MRPL20: variants seen among roughly 807,000 people sequenced by gnomAD.
MRPL20 encodes mitochondrial ribosomal protein L20, also known as large ribosomal subunit protein bL20m.
A neutral mutation model predicts 20.0 loss-of-function variants in MRPL20; 21 were observed. The ratio of observed to expected loss-of-function variants is 1.05; its 90% CI spans 0.74 to 1.51. The LOEUF (loss-of-function observed/expected upper bound fraction) is 1.51, where lower values mean the gene tolerates loss of function less well. MRPL20 is among the 40% of genes most tolerant of loss of function. The pLI is 0.00. For synonymous variants in MRPL20, 104 were observed against 73.0 expected (o/e 1.43, Z -2.17); for missense variants, 252 against 185.6 (o/e 1.36, Z -2.08).
At position 1,401,986 on chromosome 1, in the gene MRPL20, CCTCATGT is replaced by C. The variant is rs1243852979; in HGVS notation, c.*90_*96del. On this transcript the variant is annotated 3_prime_UTR_variant, in exon 4 of 4. Coordinates refer to ENST00000344843, the MANE Select transcript of MRPL20 (RefSeq NM_017971.4). ...TCTGTCCCAGAGAGACAGGGCCATC[CCTCATGT>C]CTGTTATTGGGTTGTAGATAAACAA... The C allele has an allele frequency of 1.8e-5, 24 of 1,351,740 alleles. No homozygotes were observed. In the Admixed American group the frequency reaches 3.7e-4, roughly 21 times the overall value. 83.7% of individuals were successfully genotyped at this position (1,351,740 alleles called of 1,614,324 possible).
chr1:1,407,019 G>A lies in MRPL20; in HGVS notation c.88C>T (p.His30Tyr), dbSNP rs534896516. ...RIQEVLKHAR[H>Y]FRGRKNRCYR... Reference sequence around the variant, plus strand: ...CAGCGATTTTTCCTTCCCCGGAAGTGCTGGGACAGAAAACGAGAAACCAGG... The same window carrying A: ...CAGCGATTTTTCCTTCCCCGGAAGTACTGGGACAGAAAACGAGAAACCAGG... Residue 30 changes from histidine (H) to tyrosine (Y), a missense_variant and splice_region_variant, in exon 2 of 4, where the codon CAC becomes TAC. Physicochemically the swap from His to Tyr is moderately conservative, Grantham distance 83 (BLOSUM62 2). Transcript: ENST00000344843. 5 of 1,613,348 alleles carry A rather than the reference G, an allele frequency of 3.1e-6. No individual in the cohort carries two copies. Among genetic ancestry groups the A allele is most frequent in the Non-Finnish European group, 4.2e-6 (5 of 1,179,310 alleles).
rs765336343 is a variant in MRPL20, at chr1:1,402,227, T to C, written c.306A>G (p.Leu102=). 5 of 1,613,278 alleles carry C rather than the reference T, an allele frequency of 3.1e-6. No individual in the cohort carries two copies. Among genetic ancestry groups the C allele is most frequent in the Non-Finnish European group, 4.2e-6 (5 of 1,179,764 alleles). The change falls in exon 4 of 4, where the codon CTA becomes CTG. Residue 102 remains leucine (L), a synonymous_variant. Transcript: ENST00000344843. ...TTGGCTCGTAGATGGCCAGATCCGC[T>C]AGGACTTTCCTGTTGAGCTCCACCT... ...KCQVELNRKV[L]ADLAIYEPKT...
chr1:1,404,205 G>A (rs1223910925), intron 3 of MRPL20, among the ~76,000 whole-genome samples: 7 of 151,170 alleles, frequency 4.6e-5, no homozygotes, highest in Non-Finnish European at 1.0e-4. Flanking sequence ...CCAGCCTGGA[G>A]TGCAGTGGCG....
At chr1:1,406,729 C>G in intron 2 of MRPL20, 180 bp downstream of exon 2, 1 of 622,346 alleles carries the variant, frequency 1.6e-6, no homozygotes, top group South Asian at 1.8e-5. Context: ...GGCGGCGGGG[C>G]GGGAGAACGG....
In MRPL20 at chr1:1,407,221, G is replaced by T. The variant is rs1317888535; in HGVS notation, c.-4C>A. The stretch of plus-strand genomic sequence containing the variant: ...GCTGCGCGGTGAGGAAGACCATGGC[G>T]CCTGCAGGCCGGCGTCCCGAACACT... On this transcript the variant is annotated 5_prime_UTR_variant, in exon 1 of 4. Transcript: ENST00000344843. 6.3e-7 allele frequency: 1 copy of T among 1,593,694 alleles called. No individual in the cohort carries two copies. Among genetic ancestry groups the T allele is most frequent in the Non-Finnish European group, 8.5e-7 (1 of 1,170,488 alleles).
chr1:1,402,811 T>C (rs976910321), intron 3 of MRPL20, among the ~76,000 whole-genome samples: 7 of 152,124 alleles, frequency 4.6e-5, no homozygotes, highest in East Asian at 3.9e-4. Flanking sequence ...GGAGAAACCC[T>C]GTCTGTACTA....
chr1:1,402,342 C>T (rs1222798051), intron 3 of MRPL20, 86 bp from the exon 4 acceptor site: 27 of 1,491,212 alleles, frequency 1.8e-5, no homozygotes, highest in Non-Finnish European at 2.4e-5. Flanking sequence ...TCAGGAAGAA[C>T]CCAGCTGCAC....
rs886960262 is a variant in MRPL20 at position 1,401,981 on chromosome 1, C to A, written c.*102G>T. On this transcript the variant is annotated 3_prime_UTR_variant, in exon 4 of 4. Transcript: ENST00000344843. ...GAGGCTCTGTCCCAGAGAGACAGGG[C>A]CATCCCTCATGTCTGTTATTGGGTT... The A allele has an allele frequency of 7.7e-7, 1 of 1,304,702 alleles. No individual in the cohort carries two copies. The highest frequency in any genetic ancestry group is 1.1e-6 in the Non-Finnish European group (1 of 944,252). The allele number at this position is 1,304,702 out of a possible 1,614,324, so 80.8% of individuals were successfully genotyped here.
chr1:1,406,023 G>A (rs1167565371), intron 2 of MRPL20, 137 bp from the exon 3 acceptor site: 3 of 1,276,338 alleles, frequency 2.4e-6, no homozygotes, highest in Non-Finnish European at 3.2e-6. Context: ...CCATCACTCT[G>A]GCCTAAGCGA....
intron 3 of MRPL20, chr1:1,405,506 C>T (rs1011062494): frequency 1.6e-6 from 1 of 607,362 alleles, no homozygotes; most frequent in South Asian, 1.9e-5. Flanking sequence ...GGCACTATTC[C>T]TAGGCACAAT....
Position 1,402,023 on chromosome 1 carries a change from AT to A in MRPL20, c.*59del. ...TATTGGGTTGTAGATAAACAAAAGT[AT>A]AAATCAAACAAACTGCAAATTACTC... is the stretch of plus-strand genomic sequence containing the variant. On this transcript the variant is annotated 3_prime_UTR_variant, in exon 4 of 4. Transcript: ENST00000344843. 1.3e-6 allele frequency: 2 copies of A among 1,551,326 alleles called. No homozygotes were observed. Among genetic ancestry groups the A allele is most frequent in the Non-Finnish European group, 8.7e-7 (1 of 1,144,430 alleles).
At chr1:1,406,738 G>T in intron 2 of MRPL20, 171 bp downstream of exon 2, 1 of 646,592 alleles carries the variant, frequency 1.5e-6, no homozygotes, top group Admixed American at 2.4e-5. Context: ...GCGGGAGAAC[G>T]GATGTCCCAC....
intron 3 of MRPL20, among the ~76,000 whole-genome samples, chr1:1,403,086 G>A (rs1317916923): frequency 2.7e-5 from 4 of 146,766 alleles, no homozygotes; most frequent in East Asian, 2.0e-4. Context: ...CCAAGATCGC[G>A]CCACTTCACT....
rs765434184 is a variant in MRPL20, at chr1:1,407,161, A to C, written c.57T>G (p.Phe19Leu). ...CGTGCTTCAGCACCTCCTGGATCCGAAAGTAGCGGTCGGTGACGCGATTCC... is the reference window on the plus strand; with the variant it reads ...CGTGCTTCAGCACCTCCTGGATCCGCAAGTAGCGGTCGGTGACGCGATTCC... ...WLRNRVTDRY[F>L]RIQEVLKHAR... The change falls in exon 1 of 4, where the codon TTT (phenylalanine) becomes TTG (leucine). Residue 19 changes from phenylalanine (F) to leucine (L), a missense_variant. Transcript: ENST00000344843. The C allele has an allele frequency of 8.1e-6, 13 of 1,608,294 alleles. No homozygotes were observed. The highest frequency in any genetic ancestry group is 1.1e-5 in the South Asian group (1 of 90,554).
At chr1:1,404,504 C>CTTTT (rs923907663) in intron 3 of MRPL20, among the ~76,000 whole-genome samples, 1 of 142,998 alleles carries the variant, frequency 7.0e-6, no homozygotes, top group Non-Finnish European at 1.5e-5. Flanking sequence ...TTTTTCTACA[C>CTTTT]TTTTTTTTTT....
rs562636152 is a variant in MRPL20 at position 1,406,554 on chromosome 1, G to A, written c.198+355C>T. The A allele has an allele frequency of 8.5e-5, 28 of 329,770 alleles. No individual in the cohort carries two copies. The East Asian group carries it at 9.3e-4, about 11-fold the overall frequency. 20.4% of individuals were successfully genotyped at this position (329,770 alleles called of 1,614,324 possible). On this transcript the variant is annotated intron_variant, in intron 2 of 3. Transcript: ENST00000344843. ...ACGGCAGCAGATAGTAGCCCTGGAG[G>A]GTTGGCAAGGGGCTGGGTTGACTTC...
intron 3 of MRPL20, among the ~76,000 whole-genome samples, chr1:1,403,403 C>T (rs1570064949): frequency 6.6e-6 from 1 of 151,862 alleles, no homozygotes; most frequent in Non-Finnish European, 1.5e-5. Flanking sequence ...GCCACCGCAC[C>T]TGGCTACTTT....
In MRPL20 at chr1:1,402,244, G is replaced by GCTC; in HGVS notation, c.286_288dup (p.Glu96dup). ...AGATCCGCTAGGACTTTCCTGTTGA[G>GCTC]CTCCACCTGGCACTGAAAAAAGAAT... On this transcript the variant is annotated inframe_insertion, in exon 4 of 4. Coordinates refer to ENST00000344843, the MANE Select transcript of MRPL20 (RefSeq NM_017971.4). 1 of 1,611,172 alleles carries GCTC rather than the reference G, an allele frequency of 6.2e-7. No individual in the cohort carries two copies. Among genetic ancestry groups the GCTC allele is most frequent in the Non-Finnish European group, 8.5e-7 (1 of 1,178,680 alleles).
At chr1:1,402,511 G>A in intron 3 of MRPL20, 1 of 1,237,364 alleles carries the variant, frequency 8.1e-7, no homozygotes, top group Non-Finnish European at 1.0e-6. Flanking sequence ...TCGGCCCGGG[G>A]AACCAAACAC....
Sources: gnomAD v4.1 joint callset for allele counts (sites outside exome capture counted in the v4.1 genomes callset) on GRCh38, gnomAD v4.1.1 for gene constraint, MANE v1.5 for transcripts, NCBI Gene and HGNC (gene_info 2026-07-23, HGNC 2026-07-21) for gene names.